CHODL: variants seen among roughly 807,000 people sequenced by gnomAD.
CHODL encodes the protein transmembrane protein MT75.
Under a neutral mutation model 34.5 loss-of-function variants are expected in CHODL, and 29 were observed. The ratio of observed to expected loss-of-function variants is 0.84; its 90% CI spans 0.63 to 1.15. The LOEUF (loss-of-function observed/expected upper bound fraction) is 1.15, where lower values mean the gene tolerates loss of function less well. CHODL is among the 50% of genes most tolerant of loss of function. The pLI, the probability that CHODL is intolerant of heterozygous loss-of-function variation, is 0.00. For missense variants in CHODL, 332 were observed against 332.5 expected (o/e 1.00, Z 0.01); for synonymous variants, 125 against 116.1 (o/e 1.08, Z -0.49).
chr21:18,092,592 T>A (rs1168867399), intron 2 of CHODL, among the ~76,000 whole-genome samples: 1 of 152,154 alleles, frequency 6.6e-6, no homozygotes, highest in Non-Finnish European at 1.5e-5. Context: ...GAAAATGAAT[T>A]CAGGATTCTA....
intron 2 of CHODL, among the ~76,000 whole-genome samples, chr21:18,085,630 C>T (rs764186670): frequency 2.1e-4 from 32 of 152,204 alleles, no homozygotes; most frequent in Admixed American, 1.0e-3. Flanking sequence ...TGGCAAGATA[C>T]GCAATTCTTG....
chr21:18,190,765 G>A (rs977490857), intron 2 of CHODL, among the ~76,000 whole-genome samples: 1 of 152,116 alleles, frequency 6.6e-6, no homozygotes, highest in African/African-American at 2.4e-5. Context: ...AAAACAATAA[G>A]AAGTTTTCTA....
intron 1 of CHODL, chr21:18,024,582 G>A (rs2064155862): frequency 6.6e-6 from 1 of 152,218 alleles, no homozygotes; most frequent in African/African-American, 2.4e-5. Context: ...AAGATGGGAA[G>A]TCTATGGATG....
At chr21:18,049,632 C>T (rs925896177) in intron 2 of CHODL, among the ~76,000 whole-genome samples, 1 of 151,966 alleles carries the variant, frequency 6.6e-6, no homozygotes, top group Admixed American at 6.6e-5. Context: ...AGGCCTCTCT[C>T]CTTGGCTGGC....
intron 1 of CHODL, among the ~76,000 whole-genome samples, chr21:17,956,943 G>T (rs1042242165): frequency 2.4e-4 from 37 of 151,710 alleles, no homozygotes; most frequent in Non-Finnish European, 4.6e-4. Context: ...GTTTCTGGAA[G>T]AGATCAGCAT....
chr21:17,932,919 A>G (rs1320717945), intron 1 of CHODL, among the ~76,000 whole-genome samples: 12 of 152,116 alleles, frequency 7.9e-5, no homozygotes. Context: ...TGTTTCTCGG[A>G]GAGGGGGATG....
intron 2 of CHODL, among the ~76,000 whole-genome samples, chr21:18,167,213 G>C (rs7281464): frequency 0.026 from 1,854 of 72,238 alleles, 29 homozygotes; most frequent in African/African-American, 0.084. Context: ...CTCTCTCTCT[G>C]TGTGTGTGTG....
intron 2 of CHODL, among the ~76,000 whole-genome samples, chr21:18,098,872 C>G (rs1349516529): frequency 6.6e-6 from 1 of 152,032 alleles, no homozygotes; most frequent in Non-Finnish European, 1.5e-5. Context: ...GGTACATACA[C>G]CCAATGGAGT....
At chr21:17,946,924 T>C (rs186574872) in intron 1 of CHODL, among the ~76,000 whole-genome samples, 1 of 152,210 alleles carries the variant, frequency 6.6e-6, no homozygotes. Context: ...ATTGGTTTTA[T>C]AGATCCTTTC....
intron 1 of CHODL, among the ~76,000 whole-genome samples, chr21:17,961,805 C>G (rs978075091): frequency 6.6e-6 from 1 of 152,152 alleles, no homozygotes; most frequent in Non-Finnish European, 1.5e-5. Flanking sequence ...TATTAACAAG[C>G]TTTGGATGAT....
At chr21:18,148,858 G>T in intron 2 of CHODL, among the ~76,000 whole-genome samples, 1 of 147,004 alleles carries the variant, frequency 6.8e-6, no homozygotes, top group Admixed American at 6.9e-5. Context: ...CCCCACATTT[G>T]AATCTTAATT....
At chr21:18,200,849 G>T (rs2073643040) in intron 2 of CHODL, among the ~76,000 whole-genome samples, 1 of 152,204 alleles carries the variant, frequency 6.6e-6, no homozygotes, top group South Asian at 2.1e-4. Context: ...AGAAGGTCGT[G>T]TGAAGACAGA....
intron 2 of CHODL, among the ~76,000 whole-genome samples, chr21:18,212,390 C>G (rs942547723): frequency 6.6e-6 from 1 of 152,002 alleles, no homozygotes; most frequent in Non-Finnish European, 1.5e-5. Flanking sequence ...CATGACAACC[C>G]AGACAAATTT....
At chr21:18,014,998 G>T (rs2064058606) in intron 1 of CHODL, among the ~76,000 whole-genome samples, 1 of 152,170 alleles carries the variant, frequency 6.6e-6, no homozygotes, top group African/African-American at 2.4e-5. Context: ...AGTTCGGAAG[G>T]CTTAGAAGAC....
chr21:18,239,122 C>A (rs1053805275), intron 2 of CHODL, among the ~76,000 whole-genome samples: 3 of 152,040 alleles, frequency 2.0e-5, no homozygotes, highest in African/African-American at 7.2e-5. Context: ...TGTTGTTTTT[C>A]CCTTTCTGTT....
chr21:18,060,449 CAAAT>C (rs58886259), intron 2 of CHODL, among the ~76,000 whole-genome samples: 28 of 149,140 alleles, frequency 1.9e-4, no homozygotes, highest in African/African-American at 1.5e-4. Flanking sequence ...GACTCTGTCT[CAAAT>C]AAATAAATAA....
chr21:18,171,069 G>T (rs2073221412), intron 2 of CHODL, among the ~76,000 whole-genome samples: 1 of 145,106 alleles, frequency 6.9e-6, no homozygotes, highest in Admixed American at 6.8e-5. Flanking sequence ...TCTTATTTTA[G>T]GATTATTATT....
chr21:17,948,481 C>T (rs74678315), intron 1 of CHODL, among the ~76,000 whole-genome samples: 6,212 of 151,392 alleles, frequency 0.041, 158 homozygotes, highest in Non-Finnish European at 0.061. Context: ...TAAAAATCAA[C>T]AAAATTAAGA....
At chr21:18,156,262 T>C (rs2073033802) in intron 2 of CHODL, among the ~76,000 whole-genome samples, 1 of 152,214 alleles carries the variant, frequency 6.6e-6, no homozygotes, top group Non-Finnish European at 1.5e-5. Context: ...AAAATTAGCA[T>C]TGGCCTACAG....
Sources: allele counts gnomAD v4.1 joint callset (sites outside exome capture counted in the v4.1 genomes callset), GRCh38; gene constraint gnomAD v4.1.1; transcripts MANE v1.5; gene names NCBI Gene and HGNC (gene_info 2026-07-23, HGNC 2026-07-21).